The following CMTM7 variants were observed in gnomAD, a reference collection of about 807,000 sequenced individuals.
CMTM7 encodes the protein CKLF like MARVEL transmembrane domain containing 7.
Under a neutral mutation model 19.3 loss-of-function variants are expected in CMTM7, and 7 were observed. That is an observed-to-expected ratio of 0.36 (90% confidence interval 0.21 to 0.68). CMTM7 has a LOEUF of 0.68. CMTM7 is among the 30% of genes least tolerant of loss of function. CMTM7 has a pLI of 0.60. For synonymous variants in CMTM7, 87 were observed against 99.3 expected (o/e 0.88, Z 0.74); for missense variants, 193 against 232.6 (o/e 0.83, Z 1.11).
intron 1 of CMTM7, among the ~76,000 whole-genome samples, chr3:32,406,908 GA>G (rs1307070245): frequency 6.6e-6 from 1 of 152,166 alleles, no homozygotes; most frequent in Non-Finnish European, 1.5e-5. Context: ...GACCAGAAAG[GA>G]GGGTACATAA....
intron 1 of CMTM7, among the ~76,000 whole-genome samples, chr3:32,437,311 A>G (rs1192558613): frequency 6.6e-6 from 1 of 152,116 alleles, no homozygotes; most frequent in Non-Finnish European, 1.5e-5. Context: ...AAACCCCTGG[A>G]CATGGCTGGG....
intron 1 of CMTM7, among the ~76,000 whole-genome samples, chr3:32,397,558 C>A (rs1416287673): frequency 2.0e-5 from 3 of 151,552 alleles, no homozygotes; most frequent in Admixed American, 1.3e-4. Context: ...CATGGTGAAA[C>A]CCCATCTCTA....
intron 1 of CMTM7, among the ~76,000 whole-genome samples, chr3:32,414,189 C>T (rs1213504806): frequency 2.0e-5 from 3 of 152,218 alleles, no homozygotes; most frequent in Admixed American, 6.5e-5. Flanking sequence ...GCATGCAAAT[C>T]TCTTTCTCAG....
chr3:32,453,492 G>A (rs1696866414), intron 4 of CMTM7, among the ~76,000 whole-genome samples: 1 of 152,150 alleles, frequency 6.6e-6, no homozygotes, highest in Non-Finnish European at 1.5e-5. Context: ...TAGCAACTCC[G>A]TGGGTTGCAG....
intron 2 of CMTM7, among the ~76,000 whole-genome samples, chr3:32,448,377 CT>C (rs1289584840): frequency 6.6e-6 from 1 of 152,230 alleles, no homozygotes; most frequent in African/African-American, 2.4e-5. Context: ...GGAGCTACAG[CT>C]TTAAATTGGA....
In CMTM7 at chr3:32,409,035, C is replaced by T. The variant is rs187877911; in HGVS notation, c.159+16970C>T. On this transcript the variant is annotated intron_variant, in intron 1 of 4. Coordinates refer to ENST00000334983, the MANE Select transcript of CMTM7 (RefSeq NM_138410.4). ...TAGCTGGGACTACAGTCACGCGCCA[C>T]CATGCCCAGCTAATTTTTTGTATTT... 6.2e-3 allele frequency among the ~76,000 whole-genome samples: 947 copies of T among 152,170 alleles called. 9 individuals are homozygous for T. Among genetic ancestry groups the T allele is most frequent in the African/African-American group, 0.018 (743 of 41,496 alleles).
intron 1 of CMTM7, among the ~76,000 whole-genome samples, chr3:32,437,368 G>A (rs112117772): frequency 0.032 from 4,934 of 152,076 alleles, 119 homozygotes; most frequent in East Asian, 0.054. Flanking sequence ...AGGCTGAGAC[G>A]GGTGGATCAC....
chr3:32,416,321 G>T (rs1416574413), intron 1 of CMTM7, among the ~76,000 whole-genome samples: 3 of 146,706 alleles, frequency 2.0e-5, no homozygotes, highest in African/African-American at 7.6e-5. Context: ...TCAGCCTCCT[G>T]AGTAGCTGGG....
At chr3:32,447,292 A>T (rs1247492760) in intron 2 of CMTM7, among the ~76,000 whole-genome samples, 1 of 152,076 alleles carries the variant, frequency 6.6e-6, no homozygotes, top group Non-Finnish European at 1.5e-5. Context: ...AGTCCTTCTT[A>T]CCTTTATTGA....
intron 1 of CMTM7, among the ~76,000 whole-genome samples, chr3:32,394,942 C>T (rs752951958): frequency 2.6e-5 from 4 of 151,634 alleles, no homozygotes; most frequent in Non-Finnish European, 5.9e-5. Flanking sequence ...GATCCGCCCC[C>T]GCCTCTGCCT....
chr3:32,439,112 A>G (rs933893259), intron 1 of CMTM7, among the ~76,000 whole-genome samples: 8 of 152,318 alleles, frequency 5.3e-5, no homozygotes, highest in Admixed American at 2.0e-4. Flanking sequence ...CCTGGCGATC[A>G]TGCACACTCC....
intron 1 of CMTM7, among the ~76,000 whole-genome samples, chr3:32,419,255 A>C (rs1450307232): frequency 6.6e-6 from 1 of 152,168 alleles, no homozygotes; most frequent in East Asian, 1.9e-4. Context: ...GACATTACTA[A>C]AGTTATTTAT....
At chr3:32,400,699 T>C (rs1270452952) in intron 1 of CMTM7, among the ~76,000 whole-genome samples, 1 of 152,158 alleles carries the variant, frequency 6.6e-6, no homozygotes, top group African/African-American at 2.4e-5. Flanking sequence ...CTGTAAATGC[T>C]TTTCTTGCTG....
intron 2 of CMTM7, among the ~76,000 whole-genome samples, chr3:32,444,251 GT>G (rs2125641414): frequency 6.6e-6 from 1 of 152,212 alleles, no homozygotes; most frequent in Admixed American, 6.5e-5. Context: ...TGAGGTAAGG[GT>G]TCAATTTCAT....
rs1696881329 is a variant in CMTM7, at chr3:32,454,483, G to A, written c.*229G>A. On this transcript the variant is annotated 3_prime_UTR_variant, in exon 5 of 5. Coordinates refer to ENST00000334983, the MANE Select transcript of CMTM7 (RefSeq NM_138410.4). Reference sequence around the variant, plus strand: ...GGGGAGAACATCCCTCCCATTCTGGGAAAGGAAAGCAGCCTCCAGGGAAAT... The same window carrying A: ...GGGGAGAACATCCCTCCCATTCTGGAAAAGGAAAGCAGCCTCCAGGGAAAT... 1 of 701,270 alleles carries A rather than the reference G, an allele frequency of 1.4e-6. No individual in the cohort carries two copies. The highest frequency in any genetic ancestry group is 2.6e-6 in the Non-Finnish European group (1 of 385,146). The allele number at this position is 701,270 out of a possible 1,614,324, so 43.4% of individuals were successfully genotyped here.
chr3:32,434,951 A>G (rs1381034427), intron 1 of CMTM7, among the ~76,000 whole-genome samples: 1 of 152,222 alleles, frequency 6.6e-6, no homozygotes, highest in Non-Finnish European at 1.5e-5. Context: ...GTACGATACT[A>G]TTTCCATTCT....
intron 1 of CMTM7, among the ~76,000 whole-genome samples, chr3:32,411,425 C>T (rs1575112118): frequency 6.6e-6 from 1 of 152,298 alleles, no homozygotes; most frequent in African/African-American, 2.4e-5. Context: ...TCAGAGCCTT[C>T]CTCTTCTAAA....
chr3:32,392,967 G>T (rs1255542623), intron 1 of CMTM7, among the ~76,000 whole-genome samples: 5 of 152,186 alleles, frequency 3.3e-5, no homozygotes, highest in African/African-American at 1.2e-4. Context: ...TTTGAAACTG[G>T]GTTGGGCTGT....
At chr3:32,431,851 G>T (rs1282121987) in intron 1 of CMTM7, among the ~76,000 whole-genome samples, 1 of 152,214 alleles carries the variant, frequency 6.6e-6, no homozygotes, top group Non-Finnish European at 1.5e-5. Flanking sequence ...AAAATTTCAG[G>T]CCGGGCACAG....
Sources: allele counts gnomAD v4.1 joint callset (sites outside exome capture counted in the v4.1 genomes callset), GRCh38; gene constraint gnomAD v4.1.1; transcripts MANE v1.5; gene names NCBI Gene and HGNC (gene_info 2026-07-23, HGNC 2026-07-21).